GPN1: variants seen among roughly 807,000 people sequenced by gnomAD.
The protein encoded by GPN1 is ATP(GTP)-binding protein.
In GPN1, 44 loss-of-function variants were observed where a neutral mutation model predicts 55.9. That is an observed-to-expected ratio of 0.79 (90% confidence interval 0.62 to 1.01). The LOEUF (loss-of-function observed/expected upper bound fraction) is 1.01, where lower values mean the gene tolerates loss of function less well. Ranked by LOEUF, GPN1 falls within the 50% of genes least tolerant of loss-of-function variation. The pLI, the probability that GPN1 is intolerant of heterozygous loss-of-function variation, is 0.00. For missense variants in GPN1, 466 were observed against 462.8 expected (o/e 1.01, Z -0.06); for synonymous variants, 179 against 162.5 (o/e 1.10, Z -0.77).
intron 13 of GPN1, among the ~76,000 whole-genome samples, chr2:27,648,400 T>TGTTTG (rs1275184242): frequency 6.6e-6 from 1 of 151,982 alleles, no homozygotes; most frequent in African/African-American, 2.4e-5. Context: ...ACACCTGTAG[T>TGTTTG]TCAAGCTGTT....
chr2:27,638,347 C>T lies in GPN1; in HGVS notation c.570+92C>T, dbSNP rs1673812589. 13 of 734,312 alleles carry T rather than the reference C, an allele frequency of 1.8e-5. No homozygotes were observed. In the South Asian group the frequency reaches 1.8e-4, roughly 10 times the overall value. 45.5% of individuals were successfully genotyped at this position (734,312 alleles called of 1,614,324 possible). ...TGGGTGAGAAAGATTATTTCAGATG[C>T]TGGAGACCAGATTCAGGCTTTACTG... is the stretch of plus-strand genomic sequence containing the variant. On this transcript the variant is annotated intron_variant, in intron 8 of 13. Coordinates refer to ENST00000610189, the MANE Select transcript of GPN1 (RefSeq NM_007266.4).
rs6720566 is a variant in GPN1 at position 27,637,888 on chromosome 2, A to G, written c.525-322A>G. Among the ~76,000 whole-genome samples, 119 of 152,382 alleles carry G rather than the reference A, an allele frequency of 7.8e-4. 1 individual carries two copies. The highest frequency in any genetic ancestry group is 2.7e-3 in the African/African-American group (114 of 41,602). On this transcript the variant is annotated intron_variant, in intron 7 of 13. Coordinates refer to ENST00000610189, the MANE Select transcript of GPN1 (RefSeq NM_007266.4). Reference sequence around the variant, plus strand: ...ACTTCTGGTCCCAAGTATTTTAGATAGGAAATTCTCAACCTGTAATAGGTA... The same window carrying G: ...ACTTCTGGTCCCAAGTATTTTAGATGGGAAATTCTCAACCTGTAATAGGTA...
At position 27,650,100 on chromosome 2, in the gene GPN1, C is replaced by A; in HGVS notation, c.1040-15C>A. ...ATGAAAGAGTTGAAAAAGAATTGCC[C>A]TTTTTTCCTTGCAGTTACAGAGGAA... is the stretch of plus-strand genomic sequence containing the variant. On this transcript the variant is annotated splice_polypyrimidine_tract_variant and intron_variant, in intron 13 of 13. Transcript: ENST00000610189. 1 of 1,500,494 alleles carries A rather than the reference C, an allele frequency of 6.7e-7. No individual in the cohort carries two copies. The highest frequency in any genetic ancestry group is 1.1e-5 in the South Asian group (1 of 88,774). The allele number at this position is 1,500,494 out of a possible 1,614,324, so 92.9% of individuals were successfully genotyped here.
At chr2:27,634,982 T>C in intron 6 of GPN1, 58 bp downstream of exon 6, 1 of 1,074,010 alleles carries the variant, frequency 9.3e-7, no homozygotes, top group Non-Finnish European at 1.5e-6. Flanking sequence ...TGGATGAGCA[T>C]TTATTTTTAA....
At chr2:27,629,290 T>C (rs1347450004) in intron 1 of GPN1, 121 bp downstream of exon 1, 5 of 1,432,452 alleles carry the variant, frequency 3.5e-6, no homozygotes, top group Non-Finnish European at 4.8e-6. Flanking sequence ...TTTCGGGGGC[T>C]TCCCATCAAC....
At chr2:27,644,981 T>A (rs1223320177) in intron 12 of GPN1, among the ~76,000 whole-genome samples, 2 of 152,152 alleles carry the variant, frequency 1.3e-5, no homozygotes, top group East Asian at 1.9e-4. Context: ...TTATTTATTT[T>A]TTTTGAGATA....
At chr2:27,631,105 G>A (rs751039060) in intron 3 of GPN1, 39 bp downstream of exon 3, 2 of 1,072,782 alleles carry the variant, frequency 1.9e-6, no homozygotes, top group East Asian at 4.7e-5. Context: ...ACTCATTCCT[G>A]GCTTCTTGTC....
chr2:27,647,976 G>A (rs1344235789), intron 13 of GPN1, 33 bp downstream of exon 13: 1 of 1,182,898 alleles, frequency 8.5e-7, no homozygotes, highest in African/African-American at 1.5e-5. Context: ...CGTGGCAACA[G>A]AGCATCTGCT....
At chr2:27,646,370 A>T (rs1439094460) in intron 12 of GPN1, among the ~76,000 whole-genome samples, 3 of 152,132 alleles carry the variant, frequency 2.0e-5, no homozygotes, top group Non-Finnish European at 2.9e-5. Context: ...TAAGTATTTA[A>T]CCTTCTTCAT....
chr2:27,628,769 C>T, upstream of GPN1: 2 of 1,534,476 alleles, frequency 1.3e-6, no homozygotes, highest in Non-Finnish European at 1.8e-6. Flanking sequence ...CCCATCTCTT[C>T]TGGCCTTCCT....
chr2:27,635,112 C>T, intron 6 of GPN1, 28 bp from the exon 7 acceptor site: 1 of 1,349,214 alleles, frequency 7.4e-7, no homozygotes, highest in African/African-American at 1.4e-5. Flanking sequence ...GCCCTCTGAC[C>T]AAGGCTTTGA....
Position 27,630,025 on chromosome 2 carries a change from C to A in GPN1, c.205+73C>A. On this transcript the variant is annotated intron_variant, in intron 2 of 13. Transcript: ENST00000610189. ...GGAAAAGGCCAGGCGTGGTGGCTCA[C>A]GGCTGTAATCTCAGCACTTTGGGAG... is the stretch of plus-strand genomic sequence containing the variant. 3.5e-6 allele frequency: 3 copies of A among 867,672 alleles called. No individual in the cohort carries two copies. In the South Asian group the frequency reaches 4.0e-5, roughly 12 times the overall value. 53.7% of individuals were successfully genotyped at this position (867,672 alleles called of 1,614,324 possible). A position where few individuals can be genotyped will look rare whatever the true frequency, so the allele number is the denominator to read the frequency against.
intron 7 of GPN1, among the ~76,000 whole-genome samples, chr2:27,636,884 T>C (rs368907185): frequency 2.0e-5 from 3 of 152,338 alleles, no homozygotes; most frequent in South Asian, 4.1e-4. Flanking sequence ...GGTCTCGCCA[T>C]GCTGCCCAGG....
rs983374860 is a variant in GPN1, at chr2:27,643,534, C to T, written c.931+1015C>T. ...CTATAATATTAGCTAACATATAGATCTTATTCAGATGTAGCCATTTCCCCA... is the reference window on the plus strand; with the variant it reads ...CTATAATATTAGCTAACATATAGATTTTATTCAGATGTAGCCATTTCCCCA... On this transcript the variant is annotated intron_variant, in intron 12 of 13. Transcript: ENST00000610189. The surrounding 1 kb of genome is among the most constrained non-coding windows in gnomAD (Gnocchi z 4.0). 6.6e-6 allele frequency among the ~76,000 whole-genome samples: 1 copy of T among 152,084 alleles called. No homozygotes were observed. The highest frequency in any genetic ancestry group is 1.5e-5 in the Non-Finnish European group (1 of 68,020).
At chr2:27,630,131 C>CA (rs1476217720) in intron 2 of GPN1, among the ~76,000 whole-genome samples, 179 bp downstream of exon 2, 1 of 152,020 alleles carries the variant, frequency 6.6e-6, no homozygotes, top group Non-Finnish European at 1.5e-5. Flanking sequence ...ACTAAAAATA[C>CA]AAAAAATTAG....
intron 5 of GPN1, among the ~76,000 whole-genome samples, chr2:27,633,295 G>C (rs1014244011): frequency 6.6e-6 from 1 of 151,902 alleles, no homozygotes; most frequent in African/African-American, 2.4e-5. Context: ...ACAAAAATGG[G>C]GTACTAGAGG....
chr2:27,631,405 A>C (rs1050357668), intron 3 of GPN1: 3 of 433,088 alleles, frequency 6.9e-6, no homozygotes, highest in African/African-American at 6.0e-5. Context: ...GAGTGAGTTT[A>C]GTTGGATTAA....
intron 7 of GPN1, among the ~76,000 whole-genome samples, chr2:27,635,687 C>G (rs929247527): frequency 6.6e-6 from 1 of 152,068 alleles, no homozygotes; most frequent in Non-Finnish European, 1.5e-5. Flanking sequence ...CGTGGTGGCA[C>G]GCCCTTGTAG....
chr2:27,634,333 C>T (rs1558486888), intron 5 of GPN1, among the ~76,000 whole-genome samples: 1 of 152,082 alleles, frequency 6.6e-6, no homozygotes, highest in Non-Finnish European at 1.5e-5. Flanking sequence ...AATTCACATA[C>T]CATACAATTC....
Sources: gnomAD v4.1 joint callset for allele counts (sites outside exome capture counted in the v4.1 genomes callset) on GRCh38, gnomAD v4.1.1 for gene constraint, Gnocchi (gnomAD v3.1) non-coding constraint, MANE v1.5 for transcripts, NCBI Gene and HGNC (gene_info 2026-07-23, HGNC 2026-07-21) for gene names.